Variants in OR8G5 observed in about 807,000 individuals in gnomAD.
The protein encoded by OR8G5 is olfactory receptor family 8 subfamily G member 5.
For synonymous variants in OR8G5, 147 were observed against 147.7 expected, an observed-to-expected ratio of 1.00 and a Z score of 0.03; for missense variants, 347 against 371.9, an observed-to-expected ratio of 0.93 and a Z score of 0.55.
At chr11:124,260,622 A>T (rs546606810) in intron 1 of OR8G5, among the ~76,000 whole-genome samples, 5 of 151,862 alleles carry the variant, frequency 3.3e-5, no homozygotes, top group Non-Finnish European at 5.9e-5. Flanking sequence ...GAGAGACTTA[A>T]TATCTTTATA....
chr11:124,265,866 G>A lies in OR8G5; in HGVS notation c.935G>A (p.Ter312=), dbSNP rs1462781485. The change falls in exon 2 of 2, where the codon TGA becomes TAA. Residue 312 remains the stop codon, a stop_retained_variant. Coordinates refer to ENST00000641992, the MANE Select transcript of OR8G5 (RefSeq NM_001005198.2). The part of the protein sequence containing the change: ...KKTLGKRTFL[*] The stretch of plus-strand genomic sequence containing the variant: ...ACGCTAGGGAAAAGAACATTCTTAT[G>A]AACAGAAGTACAATGAAAAAGATTG... The A allele has an allele frequency of 1.9e-6, 3 of 1,604,720 alleles. No homozygotes were observed. Among genetic ancestry groups the A allele is most frequent in the East Asian group, 4.5e-5 (2 of 44,664 alleles).
rs1338912757 is a variant in OR8G5, at chr11:124,260,090, A to G, written c.-15+3456A>G. Among the ~76,000 whole-genome samples, 5 of 152,044 alleles carry G rather than the reference A, an allele frequency of 3.3e-5. No individual in the cohort carries two copies. In the East Asian group the frequency reaches 5.8e-4, roughly 18 times the overall value. The stretch of plus-strand genomic sequence containing the variant: ...TCCCCTTTGATATTGCACTGAGATG[A>G]TATTTTCCATAAATCCTCAGACATA... On this transcript the variant is annotated intron_variant, in intron 1 of 1. Coordinates refer to ENST00000641992, the MANE Select transcript of OR8G5 (RefSeq NM_001005198.2).
chr11:124,265,633 G>T lies in OR8G5; in HGVS notation c.702G>T (p.Arg234Ser). 2 of 1,613,982 alleles carry T rather than the reference G, an allele frequency of 1.2e-6. No homozygotes were observed. Among genetic ancestry groups the T allele is most frequent in the Middle Eastern group, 1.7e-4 (1 of 6,056 alleles). Reference sequence around the variant, plus strand: ...TCCGCATTCGCTACACTGAGGGCAGGTCCAAAGCCTTCAGCACTTGCAGCT... The same window carrying T: ...TCCGCATTCGCTACACTGAGGGCAGTTCCAAAGCCTTCAGCACTTGCAGCT... ...SILRIRYTEG[R>S]SKAFSTCSSH... Residue 234 changes from arginine to serine, a missense_variant, in exon 2 of 2, where the codon AGG becomes AGT. Arg to Ser is a moderately radical substitution (Grantham distance 110). Transcript: ENST00000641992.
At chr11:124,259,040 A>C (rs1861939635) in intron 1 of OR8G5, among the ~76,000 whole-genome samples, 1 of 152,216 alleles carries the variant, frequency 6.6e-6, no homozygotes, top group South Asian at 2.1e-4. Context: ...TATGGGAAGA[A>C]TTAATTTTTA....
chr11:124,263,076 A>G (rs184982570), intron 1 of OR8G5, among the ~76,000 whole-genome samples: 38 of 152,186 alleles, frequency 2.5e-4, no homozygotes, highest in South Asian at 1.5e-3. Flanking sequence ...ATTACTAAAA[A>G]CATTGGATAT....
chr11:124,262,379 T>C (rs2137759565), intron 1 of OR8G5, among the ~76,000 whole-genome samples: 1 of 151,926 alleles, frequency 6.6e-6, no homozygotes, highest in Non-Finnish European at 1.5e-5. Flanking sequence ...TGTTTCATAA[T>C]TTGTAAAGTA....
At chr11:124,262,038 T>C (rs1861976391) in intron 1 of OR8G5, among the ~76,000 whole-genome samples, 1 of 151,818 alleles carries the variant, frequency 6.6e-6, no homozygotes, top group Admixed American at 6.6e-5. Context: ...TTATACCTTA[T>C]ATGCACATAT....
In OR8G5 at chr11:124,265,380, T is replaced by C. The variant is rs751993387; in HGVS notation, c.449T>C (p.Val150Ala). 4.3e-6 allele frequency: 7 copies of C among 1,614,040 alleles called. No homozygotes were observed. Among genetic ancestry groups the C allele is most frequent in the South Asian group, 3.3e-5 (3 of 91,084 alleles). ...ACFSLILVVY[V>A]IGLICASAHI... The stretch of plus-strand genomic sequence containing the variant: ...TTTTCTCTGATTTTAGTGGTGTATG[T>C]AATAGGCCTGATTTGTGCGTCAGCT... The change falls in exon 2 of 2, where the codon GTA (valine) becomes GCA (alanine). Residue 150 changes from valine to alanine, a missense_variant. Val to Ala is a moderately conservative substitution (Grantham distance 64). Coordinates refer to ENST00000641992, the MANE Select transcript of OR8G5 (RefSeq NM_001005198.2).
At chr11:124,258,418 C>T (rs1212463988) in intron 1 of OR8G5, among the ~76,000 whole-genome samples, 1 of 151,894 alleles carries the variant, frequency 6.6e-6, no homozygotes, top group Admixed American at 6.6e-5. Context: ...ATTAGCTGAG[C>T]GTGGTGGCGG....
Position 124,265,377 on chromosome 11 carries a change from A to G in OR8G5, c.446A>G (p.Tyr149Cys). The G allele has an allele frequency of 6.2e-7, 1 of 1,613,980 alleles. No homozygotes were observed. The highest frequency in any genetic ancestry group is 8.5e-7 in the Non-Finnish European group (1 of 1,179,888). The stretch of plus-strand genomic sequence containing the variant: ...TGCTTTTCTCTGATTTTAGTGGTGT[A>G]TGTAATAGGCCTGATTTGTGCGTCA... Reference protein sequence around the residue: ...KACFSLILVVYVIGLICASAH... With the variant: ...KACFSLILVVCVIGLICASAH... Residue 149 changes from tyrosine to cysteine, a missense_variant, in exon 2 of 2, where the codon TAT becomes TGT. By Grantham distance (194) the Tyr-to-Cys change is radical. Coordinates refer to ENST00000641992, the MANE Select transcript of OR8G5 (RefSeq NM_001005198.2).
At chr11:124,260,429 A>G (rs1861958543) in intron 1 of OR8G5, among the ~76,000 whole-genome samples, 1 of 152,006 alleles carries the variant, frequency 6.6e-6, no homozygotes, top group Non-Finnish European at 1.5e-5. Flanking sequence ...TACCTGGGTG[A>G]GTAAATAATT....
chr11:124,266,010 G>C lies in OR8G5; in HGVS notation c.*143G>C. 9.8e-7 allele frequency: 1 copy of C among 1,018,406 alleles called. No individual in the cohort carries two copies. Among genetic ancestry groups the C allele is most frequent in the Non-Finnish European group, 1.4e-6 (1 of 725,708 alleles). The allele number at this position is 1,018,406 out of a possible 1,614,324, so 63.1% of individuals were successfully genotyped here. ...TACTGACGTTATGTCTTATGCACAT[G>C]GTCTATTTCATGCCATTTCCCTCTC... On this transcript the variant is annotated 3_prime_UTR_variant, in exon 2 of 2. Transcript: ENST00000641992.
chr11:124,265,992 GT>G lies in OR8G5; in HGVS notation c.*127del. ...TCTAATTTGGGGGGATTTTACTGACGTTATGTCTTATGCACATGGTCTATTT... is the reference window on the plus strand; with the variant it reads ...TCTAATTTGGGGGGATTTTACTGACGTATGTCTTATGCACATGGTCTATTT... On this transcript the variant is annotated 3_prime_UTR_variant, in exon 2 of 2. Transcript: ENST00000641992. The G allele has an allele frequency of 8.2e-7, 1 of 1,214,820 alleles. No individual in the cohort carries two copies. Among genetic ancestry groups the G allele is most frequent in the Non-Finnish European group, 1.1e-6 (1 of 892,746 alleles). 75.3% of individuals were successfully genotyped at this position (1,214,820 alleles called of 1,614,324 possible). A position where few individuals can be genotyped will look rare whatever the true frequency, so the allele number is the denominator to read the frequency against.
rs1862025321 is a variant in OR8G5, at chr11:124,265,844, C to A, written c.913C>A (p.Leu305Ile). ...KDVHVALKKTLGKRTFL is the reference protein window; with the variant it reads ...KDVHVALKKTIGKRTFL ...TGTCCACGTTGCCCTGAAGAAAACG[C>A]TAGGGAAAAGAACATTCTTATGAAC... The change falls in exon 2 of 2, where the codon CTA becomes ATA. Residue 305 changes from leucine (L) to isoleucine (I), a missense_variant. Transcript: ENST00000641992. The A allele has an allele frequency of 6.2e-7, 1 of 1,612,322 alleles. No homozygotes were observed. The highest frequency in any genetic ancestry group is 2.2e-5 in the East Asian group (1 of 44,798).
At chr11:124,263,865 A>C (rs994309817) in intron 1 of OR8G5, among the ~76,000 whole-genome samples, 1 of 152,122 alleles carries the variant, frequency 6.6e-6, no homozygotes, top group Non-Finnish European at 1.5e-5. Flanking sequence ...ACTTTAGTGA[A>C]TGGAATAGCT....
At chr11:124,262,510 G>A (rs1383278792) in intron 1 of OR8G5, among the ~76,000 whole-genome samples, 7 of 151,780 alleles carry the variant, frequency 4.6e-5, no homozygotes, top group Non-Finnish European at 1.0e-4. Context: ...AATCCTGTAG[G>A]TCTAGAGAGC....
At chr11:124,257,813 G>C (rs1372841339) in intron 1 of OR8G5, among the ~76,000 whole-genome samples, 1 of 152,150 alleles carries the variant, frequency 6.6e-6, no homozygotes, top group African/African-American at 2.4e-5. Context: ...GTACTTTGGG[G>C]AAGAGGATCT....
chr11:124,257,276 G>A (rs762579831), intron 1 of OR8G5, among the ~76,000 whole-genome samples: 2 of 152,086 alleles, frequency 1.3e-5, no homozygotes, highest in African/African-American at 2.4e-5. Context: ...GAAATAAATA[G>A]CCTCTTCCTT....
At chr11:124,264,305 A>G (rs540616563) in intron 1 of OR8G5, among the ~76,000 whole-genome samples, 4 of 152,310 alleles carry the variant, frequency 2.6e-5, no homozygotes, top group Non-Finnish European at 4.4e-5. Flanking sequence ...TGTTTCCCTC[A>G]AGGGATGTCA....
Sources: gnomAD v4.1 joint callset for allele counts (sites outside exome capture counted in the v4.1 genomes callset) on GRCh38, gnomAD v4.1.1 for gene constraint, MANE v1.5 for transcripts, NCBI Gene and HGNC (gene_info 2026-07-23, HGNC 2026-07-21) for gene names.